TAF1: variants seen among roughly 807,000 people sequenced by gnomAD.
TAF1 encodes the protein transcription initiation factor TFIID subunit 1.
A neutral mutation model predicts 138.5 loss-of-function variants in TAF1; 2 were observed. The ratio of observed to expected loss-of-function variants is 0.01; its 90% confidence interval spans 0.01 to 0.05. The LOEUF (loss-of-function observed/expected upper bound fraction) is 0.05, where lower values mean the gene tolerates loss of function less well. Ranked by LOEUF, TAF1 falls within the 10% of genes least tolerant of loss-of-function variation. The pLI, the probability that TAF1 is intolerant of heterozygous loss-of-function variation, is 1.00. For missense variants in TAF1, 709 were observed against 1,478.0 expected, an observed-to-expected ratio of 0.48 and a Z score of 8.53; for synonymous variants, 437 against 503.2, an observed-to-expected ratio of 0.87 and a Z score of 1.76.
intron 28 of TAF1, among the ~76,000 whole-genome samples, chrX:71,419,533 AAAAG>A (rs200671269): frequency 0.053 from 5,937 of 111,002 alleles, 242 homozygotes; most frequent in East Asian, 0.31. Context: ...TCAAAACAGA[AAAAG>A]AAACACAAAA....
intron 32 of TAF1, among the ~76,000 whole-genome samples, chrX:71,430,298 G>A (rs1314054485): frequency 9.2e-6 from 1 of 108,226 alleles, no homozygotes; most frequent in East Asian, 2.9e-4. Context: ...GGACAATGGC[G>A]GGAGGAACCC....
At chrX:71,420,856 G>A (rs1301109333) in intron 28 of TAF1, among the ~76,000 whole-genome samples, 1 of 112,376 alleles carries the variant, frequency 8.9e-6, no homozygotes, top group Non-Finnish European at 1.9e-5. Context: ...ACTCCAGGCC[G>A]TTCCCGTAGT....
chrX:71,404,423 C>T (rs999658698), intron 25 of TAF1, among the ~76,000 whole-genome samples: 4 of 109,732 alleles, frequency 3.6e-5, no homozygotes, highest in Non-Finnish European at 7.6e-5. Flanking sequence ...CTGTAACCTC[C>T]ACCTCCCCAG....
chrX:71,499,126 A>C (rs973824472), intron 13 of TAF1, among the ~76,000 whole-genome samples: 1 of 111,011 alleles, frequency 9.0e-6, no homozygotes, highest in African/African-American at 3.3e-5. Context: ...CATAGTGGAC[A>C]TGGGCGAGGG....
chrX:71,519,799 ATTGT>A lies in TAF1; in HGVS notation c.1367-8724_1367-8721del, dbSNP rs756663852. ...CTGGCAATTGTTCCTTGTTTTATTT[ATTGT>A]TTGTTTGTTTGTTTGTTTTTGAGCC... On this transcript the variant is annotated intron_variant and NMD_transcript_variant, in intron 13 of 14. Transcript: ENST00000373775. Among the ~76,000 whole-genome samples, 359 of 111,026 alleles carry A rather than the reference ATTGT, an allele frequency of 3.2e-3. 1 individual carries two copies. Among genetic ancestry groups the A allele is most frequent in the Admixed American group, 6.3e-3 (65 of 10,367 alleles).
chrX:71,494,981 G>A (rs914490019), intron 13 of TAF1, among the ~76,000 whole-genome samples: 4 of 111,812 alleles, frequency 3.6e-5, no homozygotes, highest in Non-Finnish European at 5.6e-5. Flanking sequence ...CAATCCTTTA[G>A]CTACACACAG....
At position 71,383,095 on chromosome X, in the gene TAF1, T is replaced by G. The variant is rs1183038198; in HGVS notation, c.1878T>G (p.Phe626Leu). Residue 626 changes from phenylalanine to leucine, a missense_variant, in exon 12 of 38, where the codon TTT (phenylalanine) becomes TTG (leucine). Physicochemically the swap from Phe to Leu is conservative, Grantham distance 22 (BLOSUM62 0). Transcript: ENST00000423759. ...GCCCACCTCTGAAAAAGTACTCATT[T>G]GGTGCACTTTCTCAGCCAGGTCCCC... ...FHRPPLKKYS[F>L]GALSQPGPHS... 1 of 1,209,619 alleles carries G rather than the reference T, an allele frequency of 8.3e-7. No homozygotes were observed. The highest frequency in any genetic ancestry group is 1.8e-5 in the African/African-American group (1 of 57,022).
chrX:71,390,634 A>C (rs758081709), intron 18 of TAF1, among the ~76,000 whole-genome samples: 19 of 111,637 alleles, frequency 1.7e-4, no homozygotes, highest in Non-Finnish European at 2.4e-4. Flanking sequence ...CTTCTATCTC[A>C]GCCTCCCGAG....
At chrX:71,401,381 C>T (rs1240011157) in intron 24 of TAF1, 147 bp from the exon 25 acceptor site, 1 of 660,128 alleles carries the variant, frequency 1.5e-6, no homozygotes, top group Non-Finnish European at 2.3e-6. Flanking sequence ...ATATGGGCTT[C>T]ACTATGTGTG....
intron 32 of TAF1, among the ~76,000 whole-genome samples, chrX:71,438,034 C>T (rs943752083): frequency 9.1e-6 from 1 of 109,524 alleles, no homozygotes; most frequent in Admixed American, 9.9e-5. Context: ...CGGGGTTTCA[C>T]CAAGTTGGCC....
Position 71,384,831 on chromosome X carries a change from G to T in TAF1, c.2122-114G>T. 3 of 539,461 alleles carry T rather than the reference G, an allele frequency of 5.6e-6. No individual in the cohort carries two copies. In the Admixed American group the frequency reaches 1.3e-4, roughly 23 times the overall value. 44.5% of individuals were successfully genotyped at this position (539,461 alleles called of 1,213,427 possible). A position where few individuals can be genotyped will look rare whatever the true frequency, so the allele number is the denominator to read the frequency against. ...TATTCCAAAATCCGAAACACTTCTG[G>T]TCACAAGCATTTTGGATGAGGGATA... On this transcript the variant is annotated intron_variant, in intron 13 of 37. Coordinates refer to ENST00000423759, the MANE Select transcript of TAF1 (RefSeq NM_004606.5).
downstream of TAF1, among the ~76,000 whole-genome samples, chrX:71,466,950 C>T (rs2038772409): frequency 1.8e-5 from 2 of 108,606 alleles, no homozygotes; most frequent in East Asian, 5.7e-4. Flanking sequence ...TACAAGAATC[C>T]GTGGTGAGAG....
intron 32 of TAF1, among the ~76,000 whole-genome samples, chrX:71,432,884 CA>C (rs1366856979): frequency 1.8e-5 from 2 of 111,689 alleles, no homozygotes; most frequent in African/African-American, 6.5e-5. Context: ...AATTTCTTAC[CA>C]AATTACTTTA....
At chrX:71,403,446 T>C (rs1178796269) in intron 25 of TAF1, among the ~76,000 whole-genome samples, 1 of 112,294 alleles carries the variant, frequency 8.9e-6, no homozygotes, top group Non-Finnish European at 1.9e-5. Flanking sequence ...TAAATGTTGT[T>C]GGCAAGACAT....
intron 32 of TAF1, among the ~76,000 whole-genome samples, chrX:71,439,429 A>G (rs2037304556): frequency 9.0e-6 from 1 of 111,536 alleles, no homozygotes; most frequent in South Asian, 3.7e-4. Context: ...TATCATCTAC[A>G]TTTCTGTCAG....
Position 71,424,208 on chromosome X carries a change from C to T in TAF1, c.4723C>T (p.Leu1575Phe), listed in dbSNP as rs1361014954. 1 of 1,208,243 alleles carries T rather than the reference C, an allele frequency of 8.3e-7. No homozygotes were observed. The highest frequency in any genetic ancestry group is 1.7e-5 in the African/African-American group (1 of 57,636). The change falls in exon 32 of 38, where the codon CTT (leucine) becomes TTT (phenylalanine). Residue 1575 changes from leucine to phenylalanine, a missense_variant. Leu to Phe is a conservative substitution (Grantham distance 22, BLOSUM62 0). Transcript: ENST00000423759. The part of the protein sequence containing the change: ...SRESFLDDVN[L>F]ILANSVKYNG... ...GGAGAGCTTTCTGGATGATGTAAAC[C>T]TTATTCTGGCCAACAGTGTTAAGTA...
intron 29 of TAF1, among the ~76,000 whole-genome samples, chrX:71,422,108 A>C (rs1462232613): frequency 6.2e-5 from 7 of 112,073 alleles, no homozygotes; most frequent in Admixed American, 2.9e-4. Flanking sequence ...AAAAGTCACT[A>C]ATCAGTAATA....
At chrX:71,478,712 GA>G (rs1194720612) in intron 13 of TAF1, among the ~76,000 whole-genome samples, 1 of 110,799 alleles carries the variant, frequency 9.0e-6, no homozygotes, top group Admixed American at 9.7e-5. Context: ...TTTAAATTCT[GA>G]AAAAAAATAT....
intron 18 of TAF1, among the ~76,000 whole-genome samples, chrX:71,390,868 G>T: frequency 9.0e-6 from 1 of 110,650 alleles, no homozygotes; most frequent in South Asian, 3.8e-4. Context: ...GGTGGCGTGC[G>T]CCTGTAATCC....
Sources: allele counts gnomAD v4.1 joint callset (sites outside exome capture counted in the v4.1 genomes callset), GRCh38; gene constraint gnomAD v4.1.1; transcripts MANE v1.5; gene names NCBI Gene and HGNC (gene_info 2026-07-23, HGNC 2026-07-21).